The following OR5F1 variants were observed in gnomAD, a reference collection of about 807,000 sequenced individuals.
The protein encoded by OR5F1 is olfactory receptor family 5 subfamily F member 1, also known as olfactory receptor 5F1.
For missense variants in OR5F1, 429 were observed against 369.9 expected (o/e 1.16, Z -1.31); for synonymous variants, 185 against 153.2 (o/e 1.21, Z -1.53).
In OR5F1 at chr11:55,994,426, G is replaced by C; in HGVS notation, c.200C>G (p.Ser67Cys). The stretch of plus-strand genomic sequence containing the variant: ...AGTTGAGTTACAAACGTCCACAAAG[G>C]ACAGGTTAGCCAGGAAGAAATACAT... ...TPMYFFLANLSFVDVCNSTTI... is the reference protein window; with the variant it reads ...TPMYFFLANLCFVDVCNSTTI... Residue 67 changes from serine to cysteine, a missense_variant, in exon 1 of 1, where the codon TCC (serine) becomes TGC (cysteine). Physicochemically the swap from Ser to Cys is moderately radical, Grantham distance 112. Coordinates refer to ENST00000278409, the MANE Select transcript of OR5F1 (RefSeq NM_003697.1). The C allele has an allele frequency of 6.2e-7, 1 of 1,613,822 alleles. No individual in the cohort carries two copies. The highest frequency in any genetic ancestry group is 8.5e-7 in the Non-Finnish European group (1 of 1,179,956).
chr11:55,994,349 A>G lies in OR5F1; in HGVS notation c.277T>C (p.Ser93Pro), dbSNP rs1852998341. The change falls in exon 1 of 1, where the codon TCT becomes CCT. Residue 93 changes from serine to proline, a missense_variant. Transcript: ENST00000278409. Reference sequence around the variant, plus strand: ...ATCTGTAGGAAGCAGCCAGCAAAAGAGATGGTTTTCTTCTCTGATAATAAA... The same window carrying G: ...ATCTGTAGGAAGCAGCCAGCAAAAGGGATGGTTTTCTTCTCTGATAATAAA... ...ADLLSEKKTISFAGCFLQMYF... is the reference protein window; with the variant it reads ...ADLLSEKKTIPFAGCFLQMYF... 2 of 1,614,024 alleles carry G rather than the reference A, an allele frequency of 1.2e-6. No individual in the cohort carries two copies. The highest frequency in any genetic ancestry group is 1.3e-5 in the African/African-American group (1 of 74,938).
chr11:55,994,455 T>A lies in OR5F1; in HGVS notation c.171A>T (p.Thr57=), dbSNP rs756243630. ...LLIRIDSQLH[T]PMYFFLANLS... ...GGTTAGCCAGGAAGAAATACATGGG[T>A]GTGTGAAGCTGGGAATCGATCCTGA... Residue 57 remains threonine (T), a synonymous_variant, in exon 1 of 1, where the codon ACA becomes ACT. Transcript: ENST00000278409. The A allele has an allele frequency of 6.2e-7, 1 of 1,613,686 alleles. No homozygotes were observed.
rs1464012501 is a variant in OR5F1 at position 55,994,021 on chromosome 11, A to G, written c.605T>C (p.Leu202Ser). 12 of 1,613,934 alleles carry G rather than the reference A, an allele frequency of 7.4e-6. No individual in the cohort carries two copies. The highest frequency in any genetic ancestry group is 1.0e-5 in the Non-Finnish European group (12 of 1,179,988). Residue 202 changes from leucine to serine, a missense_variant, in exon 1 of 1, where the codon TTG becomes TCG. Physicochemically the swap from Leu to Ser is moderately radical, Grantham distance 145. Transcript: ENST00000278409. ...TILKESISSI[L>S]AGVNIVGTLL... ...AGTCCCCACAATATTCACACCAGCC[A>G]AAATAGAACTTATGCTTTCTTTCAG...
In OR5F1 at chr11:55,994,271, C is replaced by A. The variant is rs776926745; in HGVS notation, c.355G>T (p.Ala119Ser). ...TTECILFGLM[A>S]YDRYAAICRP... ...CATATGGCCGCATACCTGTCATAGG[C>A]CATTAACCCAAAGAGGATGCATTCG... Residue 119 changes from alanine (A) to serine (S), a missense_variant, in exon 1 of 1, where the codon GCC (alanine) becomes TCC (serine). By Grantham distance (99) the Ala-to-Ser change is moderately conservative. Transcript: ENST00000278409. 1.2e-5 allele frequency: 20 copies of A among 1,613,730 alleles called. No homozygotes were observed. In the South Asian group the frequency reaches 1.5e-4, roughly 12 times the overall value.
chr11:55,994,310 A>C lies in OR5F1; in HGVS notation c.316T>G (p.Ser106Ala), dbSNP rs61888467. The C allele has an allele frequency of 0.073, 118,290 of 1,610,498 alleles. 4,988 individuals carry two copies. The highest frequency in any genetic ancestry group is 0.082 in the Non-Finnish European group (95,951 of 1,177,104). ...GCFLQMYFFISLATTECILFG... is the reference protein window; with the variant it reads ...GCFLQMYFFIALATTECILFG... ...AGGATGCATTCGGTTGTCGCCAGGG[A>C]GATAAAGAAGTACATCTGTAGGAAG... is the stretch of plus-strand genomic sequence containing the variant. The change falls in exon 1 of 1, where the codon TCC (serine) becomes GCC (alanine). Residue 106 changes from serine (S) to alanine (A), a missense_variant. Ser to Ala is a moderately conservative substitution (Grantham distance 99, BLOSUM62 1). Transcript: ENST00000278409.
rs1350255373 is a variant in OR5F1 at position 55,993,981 on chromosome 11, G to A, written c.645C>T (p.Leu215=). 10 of 1,613,892 alleles carry A rather than the reference G, an allele frequency of 6.2e-6. No homozygotes were observed. The highest frequency in any genetic ancestry group is 1.6e-4 in the Middle Eastern group (1 of 6,084). The change falls in exon 1 of 1, where the codon CTC becomes CTT. Residue 215 remains leucine, a synonymous_variant. Transcript: ENST00000278409. The part of the protein sequence containing the change: ...VNIVGTLLVI[L]SSYSYVLFSI... The stretch of plus-strand genomic sequence containing the variant: ...AGAAGAGAACGTAGGAGTAGGAGGA[G>A]AGGATGACAAGCAGAGTCCCCACAA...
chr11:55,994,252 G>T lies in OR5F1; in HGVS notation c.374C>A (p.Ala125Asp), dbSNP rs1852996044. Residue 125 changes from alanine to aspartate, a missense_variant, in exon 1 of 1, where the codon GCC becomes GAC. Transcript: ENST00000278409. ...FGLMAYDRYA[A>D]ICRPLLYSLI... ...GGAGTAAAGCAGCGGGCGACATATG[G>T]CCGCATACCTGTCATAGGCCATTAA... The T allele has an allele frequency of 1.9e-6, 3 of 1,613,700 alleles. No individual in the cohort carries two copies. The highest frequency in any genetic ancestry group is 2.5e-6 in the Non-Finnish European group (3 of 1,179,746).
In OR5F1 at chr11:55,994,108, A is replaced by G. The variant is rs779687479; in HGVS notation, c.518T>C (p.Val173Ala). Residue 173 changes from valine to alanine, a missense_variant, in exon 1 of 1, where the codon GTC becomes GCC. Val to Ala is a moderately conservative substitution (Grantham distance 64, BLOSUM62 0). Transcript: ENST00000278409. ...ACTGTCACAGAAGAAGTGATGGATGACATTGGAGTCACAGAATGACAAGCT... is the reference window on the plus strand; with the variant it reads ...ACTGTCACAGAAGAAGTGATGGATGGCATTGGAGTCACAGAATGACAAGCT... ...VSSLSFCDSN[V>A]IHHFFCDSPP... 6.2e-7 allele frequency: 1 copy of G among 1,614,056 alleles called. No homozygotes were observed. Among genetic ancestry groups the G allele is most frequent in the South Asian group, 1.1e-5 (1 of 91,084 alleles).
In OR5F1 at chr11:55,994,445, A is replaced by C. The variant is rs1421590443; in HGVS notation, c.181T>G (p.Phe61Val). Residue 61 changes from phenylalanine to valine, a missense_variant, in exon 1 of 1, where the codon TTC (phenylalanine) becomes GTC (valine). Coordinates refer to ENST00000278409, the MANE Select transcript of OR5F1 (RefSeq NM_003697.1). ...IDSQLHTPMYFFLANLSFVDV... is the reference protein window; with the variant it reads ...IDSQLHTPMYVFLANLSFVDV... ...ACAAAGGACAGGTTAGCCAGGAAGAAATACATGGGTGTGTGAAGCTGGGAA... is the reference window on the plus strand; with the variant it reads ...ACAAAGGACAGGTTAGCCAGGAAGACATACATGGGTGTGTGAAGCTGGGAA... The C allele has an allele frequency of 1.9e-6, 3 of 1,613,828 alleles. No individual in the cohort carries two copies. In the African/African-American group the frequency reaches 4.0e-5, roughly 22 times the overall value.
At position 55,993,740 on chromosome 11, in the gene OR5F1, C is replaced by T; in HGVS notation, c.886G>A (p.Glu296Lys). Residue 296 changes from glutamate (E) to lysine (K), a missense_variant, in exon 1 of 1, where the codon GAA becomes AAA. Coordinates refer to ENST00000278409, the MANE Select transcript of OR5F1 (RefSeq NM_003697.1). ...NPLIYSLRSK[E>K]VKKALANVIS... is the part of the protein sequence containing the mutation. ...ACATTCGCTAAAGCCTTCTTTACTT[C>T]CTTACTCCTGAGGCTGTAGATCAGA... The T allele has an allele frequency of 6.2e-7, 1 of 1,608,974 alleles. No individual in the cohort carries two copies. Among genetic ancestry groups the T allele is most frequent in the East Asian group, 2.2e-5 (1 of 44,860 alleles).
Position 55,994,059 on chromosome 11 carries a change from A to G in OR5F1, c.567T>C (p.Cys189=). The stretch of plus-strand genomic sequence containing the variant: ...TGCTTTCTTTCAGGATTGTGTCAGA[A>G]CAAGAGAGCTTGAAAAGTGGGGGAC... ...CDSPPLFKLS[C]SDTILKESIS... Residue 189 remains cysteine, a synonymous_variant, in exon 1 of 1, where the codon TGT becomes TGC. Transcript: ENST00000278409. The G allele has an allele frequency of 6.2e-7, 1 of 1,614,036 alleles. No individual in the cohort carries two copies. The highest frequency in any genetic ancestry group is 8.5e-7 in the Non-Finnish European group (1 of 1,179,988).
rs780899733 is a variant in OR5F1, at chr11:55,994,255, G to A, written c.371C>T (p.Ala124Val). Residue 124 changes from alanine to valine, a missense_variant, in exon 1 of 1, where the codon GCG becomes GTG. Coordinates refer to ENST00000278409, the MANE Select transcript of OR5F1 (RefSeq NM_003697.1). The stretch of plus-strand genomic sequence containing the variant: ...GTAAAGCAGCGGGCGACATATGGCC[G>A]CATACCTGTCATAGGCCATTAACCC... Reference protein sequence around the residue: ...LFGLMAYDRYAAICRPLLYSL... With the variant: ...LFGLMAYDRYVAICRPLLYSL... 3.2e-5 allele frequency: 52 copies of A among 1,613,744 alleles called. No homozygotes were observed. The highest frequency in any genetic ancestry group is 6.7e-5 in the East Asian group (3 of 44,860).
In OR5F1 at chr11:55,993,737, C is replaced by G; in HGVS notation, c.889G>C (p.Val297Leu). Residue 297 changes from valine (V) to leucine (L), a missense_variant, in exon 1 of 1, where the codon GTA (valine) becomes CTA (leucine). Physicochemically the swap from Val to Leu is conservative, Grantham distance 32. Coordinates refer to ENST00000278409, the MANE Select transcript of OR5F1 (RefSeq NM_003697.1). ...PLIYSLRSKE[V>L]KKALANVISR... ...ATTACATTCGCTAAAGCCTTCTTTA[C>G]TTCCTTACTCCTGAGGCTGTAGATC... 1 of 1,607,050 alleles carries G rather than the reference C, an allele frequency of 6.2e-7. No individual in the cohort carries two copies. The highest frequency in any genetic ancestry group is 2.2e-5 in the East Asian group (1 of 44,848).
chr11:55,993,854 T>C lies in OR5F1; in HGVS notation c.772A>G (p.Thr258Ala). Reference protein sequence around the residue: ...IILFYATCIYTYLRPSSSYSL... With the variant: ...IILFYATCIYAYLRPSSSYSL... ...TAGCTGGAACTAGGTCTCAGGTAAG[T>C]ATAGATGCAGGTGGCATAGAACAGA... is the stretch of plus-strand genomic sequence containing the variant. Residue 258 changes from threonine (T) to alanine (A), a missense_variant, in exon 1 of 1, where the codon ACT (threonine) becomes GCT (alanine). Coordinates refer to ENST00000278409, the MANE Select transcript of OR5F1 (RefSeq NM_003697.1). 6.2e-7 allele frequency: 1 copy of C among 1,613,780 alleles called. No homozygotes were observed. Among genetic ancestry groups the C allele is most frequent in the Non-Finnish European group, 8.5e-7 (1 of 1,179,964 alleles).
chr11:55,994,012 A>C lies in OR5F1; in HGVS notation c.614T>G (p.Val205Gly). The C allele has an allele frequency of 6.2e-7, 1 of 1,614,042 alleles. No individual in the cohort carries two copies. ...GACAAGCAGAGTCCCCACAATATTC[A>C]CACCAGCCAAAATAGAACTTATGCT... The part of the protein sequence containing the change: ...KESISSILAG[V>G]NIVGTLLVIL... Residue 205 changes from valine (V) to glycine (G), a missense_variant, in exon 1 of 1, where the codon GTG (valine) becomes GGG (glycine). Val to Gly is a moderately radical substitution (Grantham distance 109). Coordinates refer to ENST00000278409, the MANE Select transcript of OR5F1 (RefSeq NM_003697.1).
In OR5F1 at chr11:55,994,098, G is replaced by A. The variant is rs778338606; in HGVS notation, c.528C>T (p.His176=). Residue 176 remains histidine (H), a synonymous_variant, in exon 1 of 1, where the codon CAC becomes CAT. Transcript: ENST00000278409. The part of the protein sequence containing the change: ...LSFCDSNVIH[H]FFCDSPPLFK... ...AAAGTGGGGGACTGTCACAGAAGAA[G>A]TGATGGATGACATTGGAGTCACAGA... 2 of 1,613,918 alleles carry A rather than the reference G, an allele frequency of 1.2e-6. No individual in the cohort carries two copies. The highest frequency in any genetic ancestry group is 1.7e-5 in the Admixed American group (1 of 59,986).
Position 55,994,101 on chromosome 11 carries a change from A to G in OR5F1, c.525T>C (p.His175=). 1 of 1,614,042 alleles carries G rather than the reference A, an allele frequency of 6.2e-7. No homozygotes were observed. The highest frequency in any genetic ancestry group is 1.3e-5 in the African/African-American group (1 of 74,944). The change falls in exon 1 of 1, where the codon CAT becomes CAC. Residue 175 remains histidine (H), a synonymous_variant. Coordinates refer to ENST00000278409, the MANE Select transcript of OR5F1 (RefSeq NM_003697.1). The stretch of plus-strand genomic sequence containing the variant: ...GTGGGGGACTGTCACAGAAGAAGTG[A>G]TGGATGACATTGGAGTCACAGAATG... ...SLSFCDSNVI[H]HFFCDSPPLF...
chr11:55,993,840 A>C lies in OR5F1; in HGVS notation c.786T>G (p.Pro262=). 5 of 1,613,934 alleles carry C rather than the reference A, an allele frequency of 3.1e-6. No individual in the cohort carries two copies. The highest frequency in any genetic ancestry group is 4.2e-6 in the Non-Finnish European group (5 of 1,179,962). Residue 262 remains proline (P), a synonymous_variant, in exon 1 of 1, where the codon CCT becomes CCG. Transcript: ENST00000278409. The stretch of plus-strand genomic sequence containing the variant: ...CCTGATTCAGGGAGTAGCTGGAACT[A>C]GGTCTCAGGTAAGTATAGATGCAGG... ...YATCIYTYLR[P]SSSYSLNQDK... is the part of the protein sequence containing the mutation.
chr11:55,994,084 C>T lies in OR5F1; in HGVS notation c.542G>A (p.Ser181Asn). The T allele has an allele frequency of 6.2e-7, 1 of 1,613,964 alleles. No individual in the cohort carries two copies. Among genetic ancestry groups the T allele is most frequent in the South Asian group, 1.1e-5 (1 of 91,088 alleles). ...SNVIHHFFCD[S>N]PPLFKLSCSD... Reference sequence around the variant, plus strand: ...ACAAGAGAGCTTGAAAAGTGGGGGACTGTCACAGAAGAAGTGATGGATGAC... The same window carrying T: ...ACAAGAGAGCTTGAAAAGTGGGGGATTGTCACAGAAGAAGTGATGGATGAC... Residue 181 changes from serine (S) to asparagine (N), a missense_variant, in exon 1 of 1, where the codon AGT (serine) becomes AAT (asparagine). By Grantham distance (46) the Ser-to-Asn change is conservative. Coordinates refer to ENST00000278409, the MANE Select transcript of OR5F1 (RefSeq NM_003697.1).
Sources: allele counts gnomAD v4.1 joint callset, GRCh38; gene constraint gnomAD v4.1.1; transcripts MANE v1.5; gene names NCBI Gene and HGNC (gene_info 2026-07-23, HGNC 2026-07-21).